Variants in CNTN3 observed in about 807,000 individuals in gnomAD.
CNTN3 encodes contactin-3.
In CNTN3, 60 loss-of-function variants were observed where a neutral mutation model predicts 119.1. The ratio of observed to expected loss-of-function variants is 0.50; its 90% CI spans 0.41 to 0.62. CNTN3 has a LOEUF of 0.62. Ranked by LOEUF, CNTN3 falls within the 20% of genes least tolerant of loss-of-function variation. The pLI is 0.00. For missense variants in CNTN3, 1,101 were observed against 1,242.4 expected (o/e 0.89, Z 1.71); for synonymous variants, 450 against 438.7 (o/e 1.03, Z -0.32).
intron 5 of CNTN3, among the ~76,000 whole-genome samples, chr3:74,384,362 A>G (rs1313140689): frequency 2.0e-5 from 3 of 152,224 alleles, no homozygotes; most frequent in South Asian, 2.1e-4. Context: ...TCATGTGAGT[A>G]TTCTTCCGCC....
chr3:74,458,887 G>A (rs756973564), intron 4 of CNTN3, among the ~76,000 whole-genome samples: 1 of 151,984 alleles, frequency 6.6e-6, no homozygotes, highest in Non-Finnish European at 1.5e-5. Context: ...CATAGCCCTA[G>A]AGACTCAACA....
intron 5 of CNTN3, among the ~76,000 whole-genome samples, chr3:74,388,298 T>C (rs1704807453): frequency 1.3e-5 from 2 of 152,196 alleles, no homozygotes; most frequent in South Asian, 4.1e-4. Context: ...ATATTAGAAG[T>C]TTATTGAGTA....
chr3:74,399,065 T>C (rs1186064956), intron 5 of CNTN3, among the ~76,000 whole-genome samples: 5 of 152,222 alleles, frequency 3.3e-5, no homozygotes, highest in Non-Finnish European at 4.4e-5. Context: ...TTATTGACTA[T>C]AGTCATCCTA....
chr3:74,473,682 G>C (rs1430422027), intron 4 of CNTN3, among the ~76,000 whole-genome samples: 1 of 152,146 alleles, frequency 6.6e-6, no homozygotes, highest in African/African-American at 2.4e-5. Context: ...AAATAGAAAA[G>C]ATGTAAAATG....
intron 2 of CNTN3, among the ~76,000 whole-genome samples, chr3:74,509,800 T>A (rs28480517): frequency 0.058 from 8,803 of 152,000 alleles, 540 homozygotes; most frequent in East Asian, 0.21. Flanking sequence ...CTTTCATTCA[T>A]CCTCCCTCAT....
chr3:74,538,551 A>G (rs1372678199), intron 1 of CNTN3, among the ~76,000 whole-genome samples: 1 of 152,160 alleles, frequency 6.6e-6, no homozygotes, highest in Non-Finnish European at 1.5e-5. Context: ...TATCCTACTA[A>G]AAGTCTTTCT....
chr3:74,485,350 T>A (rs1046641566), intron 4 of CNTN3, among the ~76,000 whole-genome samples: 1 of 152,044 alleles, frequency 6.6e-6, no homozygotes, highest in Admixed American at 6.6e-5. Flanking sequence ...TTGTATAATA[T>A]AAACATCACA....
At chr3:74,548,050 C>T (rs1296730528) in intron 1 of CNTN3, among the ~76,000 whole-genome samples, 2 of 152,132 alleles carry the variant, frequency 1.3e-5, no homozygotes, top group Admixed American at 6.5e-5. Context: ...AATGAACCAT[C>T]CATTCACCAT....
intron 1 of CNTN3, among the ~76,000 whole-genome samples, chr3:74,575,069 A>G (rs1363531545): frequency 6.6e-6 from 1 of 151,940 alleles, no homozygotes; most frequent in African/African-American, 2.4e-5. Context: ...GACAACAAGC[A>G]TGTGCCACCC....
intron 20 of CNTN3, among the ~76,000 whole-genome samples, chr3:74,281,797 A>AAG (rs913957705): frequency 1.1e-3 from 164 of 152,270 alleles, no homozygotes; most frequent in African/African-American, 3.8e-3. Context: ...ACTATCACAG[A>AAG]AGAGAGAGGA....
intron 18 of CNTN3, among the ~76,000 whole-genome samples, chr3:74,296,009 T>A (rs1702330906): frequency 6.6e-6 from 1 of 151,938 alleles, no homozygotes; most frequent in Non-Finnish European, 1.5e-5. Context: ...AGTCGAGGAG[T>A]ACTTGGAGCC....
chr3:74,555,129 T>A (rs560648209), intron 1 of CNTN3, among the ~76,000 whole-genome samples: 86 of 152,346 alleles, frequency 5.6e-4, no homozygotes, highest in African/African-American at 2.0e-3. Flanking sequence ...AGAAAGGCTG[T>A]TTAATTTTGT....
intron 1 of CNTN3, among the ~76,000 whole-genome samples, chr3:74,535,709 AC>A (rs2107140915): frequency 6.6e-6 from 1 of 152,066 alleles, no homozygotes; most frequent in South Asian, 2.1e-4. Context: ...ATTTCAGAAG[AC>A]CCTGGACTTC....
intron 17 of CNTN3, among the ~76,000 whole-genome samples, chr3:74,299,490 G>A (rs990445623): frequency 1.3e-5 from 2 of 152,126 alleles, no homozygotes; most frequent in African/African-American, 4.8e-5. Flanking sequence ...GGCAACAGCC[G>A]CAACATAACT....
Position 74,486,486 on chromosome 3 carries a change from C to A in CNTN3, c.328G>T (p.Val110Phe). 1 of 1,605,774 alleles carries A rather than the reference C, an allele frequency of 6.2e-7. No homozygotes were observed. The highest frequency in any genetic ancestry group is 8.5e-7 in the Non-Finnish European group (1 of 1,178,198). The change falls in exon 4 of 23, where the codon GTC becomes TTC. Residue 110 changes from valine (V) to phenylalanine (F), a missense_variant. Transcript: ENST00000263665. ...AACTGAAGTTTGGCTTCTCTGCTGA[C>A]AATTGTTCCAAGTGAATTTGTTGCA... The part of the protein sequence containing the change: ...CFATNSLGTI[V>F]SREAKLQFAY...
At chr3:74,445,975 T>C (rs1016072127) in intron 4 of CNTN3, among the ~76,000 whole-genome samples, 9 of 152,012 alleles carry the variant, frequency 5.9e-5, no homozygotes, top group Admixed American at 1.3e-4. Flanking sequence ...CGGCACTTCA[T>C]TGTCACAACC....
intron 4 of CNTN3, among the ~76,000 whole-genome samples, chr3:74,470,508 C>T (rs539455007): frequency 1.2e-4 from 18 of 152,186 alleles, no homozygotes; most frequent in African/African-American, 4.1e-4. Context: ...TCACCTCTCC[C>T]TACATGCTGT....
At chr3:74,411,501 C>G (rs1701437939) in intron 5 of CNTN3, among the ~76,000 whole-genome samples, 1 of 152,104 alleles carries the variant, frequency 6.6e-6, no homozygotes, top group African/African-American at 2.4e-5. Flanking sequence ...TCAATATTAT[C>G]CCATTAAAAG....
intron 5 of CNTN3, among the ~76,000 whole-genome samples, chr3:74,417,791 T>C (rs927552832): frequency 1.3e-5 from 2 of 152,170 alleles, no homozygotes; most frequent in African/African-American, 4.8e-5. Context: ...AACATACTTG[T>C]CTTAATGCGA....
Sources: gnomAD v4.1 joint callset for allele counts (sites outside exome capture counted in the v4.1 genomes callset) on GRCh38, gnomAD v4.1.1 for gene constraint, MANE v1.5 for transcripts, NCBI Gene and HGNC (gene_info 2026-07-23, HGNC 2026-07-21) for gene names.